Variants in RORA observed in about 807,000 individuals in gnomAD.
The protein encoded by RORA is RAR related orphan receptor A, also known as nuclear receptor ROR-alpha.
Under a neutral mutation model 69.5 loss-of-function variants are expected in RORA, and 7 were observed. The observed-to-expected ratio is 0.10, with a 90% CI of 0.06 to 0.19. The LOEUF is 0.19. Ranked by LOEUF, RORA falls within the 10% of genes least tolerant of loss-of-function variation. The pLI, the probability that RORA is intolerant of heterozygous loss-of-function variation, is 1.00. For missense variants in RORA, 457 were observed against 663.0 expected (o/e 0.69, Z 3.41); for synonymous variants, 261 against 240.8 (o/e 1.08, Z -0.78).
At chr15:61,190,967 TCG>T (rs1199926193) in intron 1 of RORA, among the ~76,000 whole-genome samples, 1 of 151,914 alleles carries the variant, frequency 6.6e-6, no homozygotes, top group Non-Finnish European at 1.5e-5. Context: ...CGTTAGTAGC[TCG>T]TAAGCTGATT....
chr15:60,622,116 A>G (rs1243074432), intron 2 of RORA, among the ~76,000 whole-genome samples: 1 of 151,148 alleles, frequency 6.6e-6, no homozygotes, highest in Non-Finnish European at 1.5e-5. Context: ...CCTCTATAAT[A>G]GTATATATAA....
intron 1 of RORA, among the ~76,000 whole-genome samples, chr15:60,857,770 C>T (rs1349113716): frequency 1.3e-5 from 2 of 152,128 alleles, no homozygotes; most frequent in African/African-American, 4.8e-5. Flanking sequence ...ATGATTAGTA[C>T]CGAAGAGAAG....
At chr15:60,893,434 C>A (rs1891133918) in intron 1 of RORA, among the ~76,000 whole-genome samples, 1 of 152,174 alleles carries the variant, frequency 6.6e-6, no homozygotes, top group South Asian at 2.1e-4. Flanking sequence ...TTCTGGACAA[C>A]CAAACCCCCA....
At chr15:61,036,169 G>T (rs1896449289) in intron 1 of RORA, among the ~76,000 whole-genome samples, 1 of 152,130 alleles carries the variant, frequency 6.6e-6, no homozygotes, top group Non-Finnish European at 1.5e-5. Context: ...CCTCTCCTTG[G>T]AGGCAGCAAC....
chr15:60,546,286 G>A (rs2067067429), intron 2 of RORA: 1 of 152,198 alleles, frequency 6.6e-6, no homozygotes, highest in African/African-American at 2.4e-5. Flanking sequence ...AGGACAAATT[G>A]TTATTTGGAT....
At chr15:60,702,317 T>A (rs1460622741) in intron 1 of RORA, among the ~76,000 whole-genome samples, 1 of 152,152 alleles carries the variant, frequency 6.6e-6, no homozygotes, top group East Asian at 1.9e-4. Context: ...CCTCAACCTC[T>A]GCCTCCTGGG....
At chr15:61,038,352 GA>G (rs765829843) in intron 1 of RORA, among the ~76,000 whole-genome samples, 4 of 152,058 alleles carry the variant, frequency 2.6e-5, no homozygotes, top group African/African-American at 4.8e-5. Flanking sequence ...ACCAGCAGAG[GA>G]AACAGGTATT....
rs967141315 is a variant in RORA at position 60,534,037 on chromosome 15, G to C, written c.197-2186C>G. ...CTTTACAAGAATATGAAGGCCCTGG[G>C]CAGGGCATATTGAGAACAATGAGTA... On this transcript the variant is annotated intron_variant, in intron 2 of 10. Transcript: ENST00000335670. This position sits in a 1 kb window ranked among gnomAD's most constrained non-coding sequence, Gnocchi z 5.0. 2.6e-5 allele frequency among the ~76,000 whole-genome samples: 4 copies of C among 152,166 alleles called. No individual in the cohort carries two copies. The highest frequency in any genetic ancestry group is 9.7e-5 in the African/African-American group (4 of 41,428).
At chr15:61,151,164 C>T (rs1399628090) in intron 1 of RORA, among the ~76,000 whole-genome samples, 3 of 152,148 alleles carry the variant, frequency 2.0e-5, no homozygotes, top group Non-Finnish European at 4.4e-5. Flanking sequence ...ATTGATAGTA[C>T]ATGAGATGAA....
chr15:60,778,958 A>G (rs1018229396), intron 1 of RORA, among the ~76,000 whole-genome samples: 1 of 152,192 alleles, frequency 6.6e-6, no homozygotes, highest in African/African-American at 2.4e-5. Context: ...AAAATGATAT[A>G]GGCTTAATAA....
intron 1 of RORA, 149 bp from the exon 2 acceptor site, chr15:60,678,835 C>A (rs891959151): frequency 3.1e-6 from 2 of 655,114 alleles, no homozygotes; most frequent in Non-Finnish European, 5.5e-6. Context: ...AGGAGTGTCA[C>A]TAGACCTACC....
intron 1 of RORA, among the ~76,000 whole-genome samples, chr15:60,841,805 C>T (rs909496664): frequency 2.0e-5 from 3 of 152,124 alleles, no homozygotes; most frequent in African/African-American, 7.2e-5. Context: ...AGCTCATTGT[C>T]ACTTGTGAGG....
At chr15:60,841,234 G>C (rs2073193294) in intron 1 of RORA, 1 of 218,978 alleles carries the variant, frequency 4.6e-6, no homozygotes, top group Non-Finnish European at 7.7e-6. Context: ...CCCTCTCGGG[G>C]CCTCAGGCAC....
At chr15:61,032,233 T>C (rs902615329) in intron 1 of RORA, among the ~76,000 whole-genome samples, 2 of 152,198 alleles carry the variant, frequency 1.3e-5, no homozygotes. Context: ...GTGGTTACCA[T>C]TTGTACAGAT....
chr15:60,648,563 T>C (rs2070093359), intron 2 of RORA, among the ~76,000 whole-genome samples: 1 of 152,138 alleles, frequency 6.6e-6, no homozygotes, highest in African/African-American at 2.4e-5. Flanking sequence ...AACCAGCTAA[T>C]CACAACACAT....
intron 1 of RORA, among the ~76,000 whole-genome samples, chr15:60,719,010 TAATC>T (rs932204399): frequency 5.4e-5 from 7 of 130,722 alleles, no homozygotes; most frequent in African/African-American, 2.1e-4. Flanking sequence ...TTTAAAAAGA[TAATC>T]AATCAGCTTT....
At chr15:61,028,398 G>C (rs1002642047) in intron 1 of RORA, among the ~76,000 whole-genome samples, 3 of 152,078 alleles carry the variant, frequency 2.0e-5, no homozygotes, top group African/African-American at 7.2e-5. Context: ...GAAACAATCT[G>C]GTTTTAATGA....
chr15:61,032,418 T>A (rs1321290920), intron 1 of RORA, among the ~76,000 whole-genome samples: 1 of 152,112 alleles, frequency 6.6e-6, no homozygotes, highest in Non-Finnish European at 1.5e-5. Context: ...ACCTTGAAAG[T>A]GAATTAGAGA....
At position 60,692,011 on chromosome 15, in the gene RORA, A is replaced by T. The variant is rs372112778; in HGVS notation, c.167-13325T>A. Reference sequence around the variant, plus strand: ...CATGGCAATTCAGGATAACTCTCTCATTTCTGAGATTGAGAAAACTATTTT... The same window carrying T: ...CATGGCAATTCAGGATAACTCTCTCTTTTCTGAGATTGAGAAAACTATTTT... On this transcript the variant is annotated intron_variant, in intron 1 of 10. Transcript: ENST00000335670. Among the ~76,000 whole-genome samples the T allele has an allele frequency of 1.2e-4, 19 of 152,298 alleles. No individual in the cohort carries two copies. The East Asian group carries it at 1.7e-3, about 14-fold the overall frequency.
Sources: allele counts gnomAD v4.1 joint callset (sites outside exome capture counted in the v4.1 genomes callset), GRCh38; gene constraint gnomAD v4.1.1; non-coding constraint Gnocchi (gnomAD v3.1); transcripts MANE v1.5; gene names NCBI Gene and HGNC (gene_info 2026-07-23, HGNC 2026-07-21).